NPAS3: variants seen among roughly 807,000 people sequenced by gnomAD.
The protein encoded by NPAS3 is neuronal PAS domain protein 3.
Under a neutral mutation model 73.1 loss-of-function variants are expected in NPAS3, and 14 were observed. That is an observed-to-expected ratio of 0.19 (90% CI 0.13 to 0.30). The LOEUF is 0.30. Among genes scored for constraint, NPAS3 ranks in the 10% least tolerant of loss-of-function variants. The pLI is 1.00. For missense variants in NPAS3, 1,096 were observed against 1,250.0 expected (o/e 0.88, Z 1.86); for synonymous variants, 620 against 541.5 (o/e 1.14, Z -2.01).
chr14:33,250,547 A>G (rs962902977), intron 3 of NPAS3, among the ~76,000 whole-genome samples: 1 of 152,104 alleles, frequency 6.6e-6, no homozygotes, highest in African/African-American at 2.4e-5. Flanking sequence ...CTCGCATTAA[A>G]CTTGTTAAAT....
chr14:33,394,910 A>C (rs963623959), intron 4 of NPAS3, among the ~76,000 whole-genome samples: 1 of 152,178 alleles, frequency 6.6e-6, no homozygotes, highest in Admixed American at 6.6e-5. Flanking sequence ...ACTCAGGTAA[A>C]TGGTGATGGG....
chr14:33,500,343 G>A (rs1243642159), intron 4 of NPAS3, among the ~76,000 whole-genome samples: 5 of 151,896 alleles, frequency 3.3e-5, no homozygotes, highest in Non-Finnish European at 5.9e-5. Flanking sequence ...TCTCTCTGGG[G>A]TGTCTTTCAA....
At chr14:33,769,978 T>C (rs150020107) in intron 7 of NPAS3, among the ~76,000 whole-genome samples, 9 of 151,986 alleles carry the variant, frequency 5.9e-5, no homozygotes, top group Non-Finnish European at 1.0e-4. Context: ...TTGCCCAAGC[T>C]GGTCTTGAAC....
intron 1 of NPAS3, among the ~76,000 whole-genome samples, chr14:33,029,458 G>GAATCTCCAA (rs1566483205): frequency 1.3e-5 from 2 of 152,102 alleles, no homozygotes; most frequent in Non-Finnish European, 1.5e-5. Flanking sequence ...GAGAGCTCTT[G>GAATCTCCAA]AATCTCCAAA....
chr14:32,946,509 A>G (rs1483926888), intron 1 of NPAS3, among the ~76,000 whole-genome samples: 1 of 152,142 alleles, frequency 6.6e-6, no homozygotes, highest in East Asian at 1.9e-4. Flanking sequence ...GAAACTTTGT[A>G]GCGTGTGATG....
At chr14:33,265,980 A>G (rs993557846) in intron 3 of NPAS3, among the ~76,000 whole-genome samples, 1 of 150,984 alleles carries the variant, frequency 6.6e-6, no homozygotes, top group Non-Finnish European at 1.5e-5. Flanking sequence ...GCACTTATTT[A>G]TATACTTAAA....
chr14:33,134,013 A>G (rs1474025121), intron 2 of NPAS3, among the ~76,000 whole-genome samples: 1 of 152,224 alleles, frequency 6.6e-6, no homozygotes, highest in South Asian at 2.1e-4. Context: ...AGCACATGGT[A>G]AAGTTCGCTT....
chr14:33,642,206 T>C (rs1173555144), intron 5 of NPAS3, among the ~76,000 whole-genome samples: 1 of 152,190 alleles, frequency 6.6e-6, no homozygotes, highest in African/African-American at 2.4e-5. Context: ...CACATCATCC[T>C]TTTGCTTAGA....
chr14:33,462,306 T>C (rs1451786891), intron 4 of NPAS3, among the ~76,000 whole-genome samples: 3 of 152,310 alleles, frequency 2.0e-5, no homozygotes, highest in Non-Finnish European at 4.4e-5. Flanking sequence ...ATGATAGTCA[T>C]TATTGCTGCT....
intron 2 of NPAS3, among the ~76,000 whole-genome samples, chr14:33,083,503 A>G (rs2041929412): frequency 6.6e-6 from 1 of 152,198 alleles, no homozygotes; most frequent in African/African-American, 2.4e-5. Flanking sequence ...GTTTACTTCC[A>G]TTTTAAAATG....
At chr14:33,365,668 A>G (rs1432246738) in intron 3 of NPAS3, among the ~76,000 whole-genome samples, 2 of 152,082 alleles carry the variant, frequency 1.3e-5, no homozygotes, top group East Asian at 1.9e-4. Context: ...TGCCTCTGTT[A>G]TTTTTCTCTT....
At chr14:32,956,780 C>T (rs1312174044) in intron 1 of NPAS3, among the ~76,000 whole-genome samples, 1 of 152,130 alleles carries the variant, frequency 6.6e-6, no homozygotes, top group East Asian at 1.9e-4. Flanking sequence ...TCCACTTTTC[C>T]AAAACCCAAA....
rs184957305 is a variant in NPAS3, at chr14:33,587,067, T to C, written c.558+26857T>C. Among the ~76,000 whole-genome samples, 613 of 152,272 alleles carry C rather than the reference T, an allele frequency of 4.0e-3. 6 individuals carry two copies. Among genetic ancestry groups the C allele is most frequent in the African/African-American group, 0.014 (590 of 41,544 alleles). On this transcript the variant is annotated intron_variant, in intron 5 of 11. Coordinates refer to ENST00000356141, the Ensembl canonical transcript of NPAS3. ...CTCCTAGCCTCTTAAATAGTTTCAT[T>C]CTTCTTTTGCCTTACTTTCCCCATC...
At chr14:33,076,799 G>C (rs2152401) in intron 2 of NPAS3, among the ~76,000 whole-genome samples, 33,081 of 152,110 alleles carry the variant, frequency 0.22, 3,749 homozygotes, top group South Asian at 0.35. Flanking sequence ...CAATGTGTTA[G>C]TACAAAAAAG....
intron 4 of NPAS3, among the ~76,000 whole-genome samples, chr14:33,410,244 G>T (rs2047863059): frequency 6.6e-6 from 1 of 152,084 alleles, no homozygotes; most frequent in Non-Finnish European, 1.5e-5. Context: ...CAGTTACATT[G>T]CAGTGATAAA....
At chr14:33,445,187 C>G (rs1219180003) in intron 4 of NPAS3, among the ~76,000 whole-genome samples, 3 of 152,202 alleles carry the variant, frequency 2.0e-5, no homozygotes, top group Non-Finnish European at 4.4e-5. Flanking sequence ...TCACATCGCT[C>G]TGAGTTGAGG....
At chr14:33,254,320 A>T (rs2048698539) in intron 3 of NPAS3, among the ~76,000 whole-genome samples, 1 of 152,050 alleles carries the variant, frequency 6.6e-6, no homozygotes, top group Non-Finnish European at 1.5e-5. Flanking sequence ...TCGAAGTTCA[A>T]AGAGAATGCT....
intron 5 of NPAS3, among the ~76,000 whole-genome samples, chr14:33,594,528 G>A (rs184213128): frequency 1.2e-4 from 18 of 152,106 alleles, no homozygotes; most frequent in East Asian, 1.9e-4. Flanking sequence ...AACTTTCTGC[G>A]TCTCCCTTCC....
At chr14:33,024,498 T>A (rs17099934) in intron 1 of NPAS3, among the ~76,000 whole-genome samples, 17,659 of 152,152 alleles carry the variant, frequency 0.12, 1,062 homozygotes, top group African/African-American at 0.14. Context: ...AATCATCACA[T>A]GTCTCCATGT....
Sources: allele counts gnomAD v4.1 joint callset (sites outside exome capture counted in the v4.1 genomes callset), GRCh38; gene constraint gnomAD v4.1.1; transcripts MANE v1.5; gene names NCBI Gene and HGNC (gene_info 2026-07-23, HGNC 2026-07-21).